The following LAMB2 variants were observed in gnomAD, a reference collection of about 807,000 sequenced individuals.
LAMB2 encodes laminin subunit beta 2.
A neutral mutation model predicts 202.7 loss-of-function variants in LAMB2; 119 were observed. That is an observed-to-expected ratio of 0.59 (90% CI 0.51 to 0.68). LAMB2 has a LOEUF of 0.68. Ranked by LOEUF, LAMB2 falls within the 30% of genes least tolerant of loss-of-function variation. The pLI is 0.00. For synonymous variants in LAMB2, 818 were observed against 902.2 expected, an observed-to-expected ratio of 0.91 and a Z score of 1.67; for missense variants, 2,124 against 2,410.6, an observed-to-expected ratio of 0.88 and a Z score of 2.49.
rs1367444910 is a variant in LAMB2 at position 49,130,001 on chromosome 3, T to TGG, written c.1241_1242dup (p.Met415ProfsTer83). On this transcript the variant is annotated frameshift_variant, in exon 10 of 32. Transcript: ENST00000305544. LOFTEE classifies it high-confidence loss of function. The surrounding 1 kb of genome is among the most constrained non-coding windows in gnomAD (Gnocchi z 5.0). ...CAGCGACCACCGTCTTGAGAACCCA[T>TGG]GGGGTCACAATCACAGGCTGACGGC... The TGG allele has an allele frequency of 1.9e-6, 3 of 1,613,976 alleles. No individual in the cohort carries two copies. The highest frequency in any genetic ancestry group is 1.6e-4 in the Middle Eastern group (1 of 6,062).
At chr3:49,124,355 T>C (rs1333624425) in intron 22 of LAMB2, 40 bp downstream of exon 22, 2 of 1,612,700 alleles carry the variant, frequency 1.2e-6, no homozygotes. Context: ...GACAGACACC[T>C]GGCCCCATCT....
intron 18 of LAMB2, 86 bp downstream of exon 18, chr3:49,125,661 A>G (rs1250943625): frequency 6.4e-7 from 1 of 1,556,200 alleles, no homozygotes; most frequent in East Asian, 2.3e-5. Context: ...AGTTTGAGGA[A>G]ACCAGCAGCA....
At position 49,129,551 on chromosome 3, in the gene LAMB2, T is replaced by C; in HGVS notation, c.1518+53A>G. ...TGGCATAGATGTGACACCCCAGCCC[T>C]GTGCTCTAAGGACAAATCATGCCCC... On this transcript the variant is annotated intron_variant, in intron 11 of 31. Coordinates refer to ENST00000305544, the MANE Select transcript of LAMB2 (RefSeq NM_002292.4). This position sits in a 1 kb window ranked among gnomAD's most constrained non-coding sequence, Gnocchi z 6.1. 6.9e-7 allele frequency: 1 copy of C among 1,444,690 alleles called. No individual in the cohort carries two copies. Among genetic ancestry groups the C allele is most frequent in the Non-Finnish European group, 9.7e-7 (1 of 1,027,700 alleles). 89.5% of individuals were successfully genotyped at this position (1,444,690 alleles called of 1,614,324 possible). A position where few individuals can be genotyped will look rare whatever the true frequency, so the allele number is the denominator to read the frequency against.
Position 49,130,206 on chromosome 3 carries a change from T to TC in LAMB2, c.1225+24dup, listed in dbSNP as rs2045465971. On this transcript the variant is annotated intron_variant, in intron 9 of 31. Coordinates refer to ENST00000305544, the MANE Select transcript of LAMB2 (RefSeq NM_002292.4). This position sits in a 1 kb window ranked among gnomAD's most constrained non-coding sequence, Gnocchi z 5.0. ...TTCCTGCCCCAGGCTCAGCTTTCTC[T>TC]CCCCGTGCCCAATCCCAGCCTCACA... The TC allele has an allele frequency of 6.2e-7, 1 of 1,612,914 alleles. No individual in the cohort carries two copies. The highest frequency in any genetic ancestry group is 1.3e-5 in the African/African-American group (1 of 74,864).
rs200477330 is a variant in LAMB2 at position 49,125,827 on chromosome 3, A to G, written c.2408T>C (p.Leu803Pro). The change falls in exon 18 of 32, where the codon CTG becomes CCG. Residue 803 changes from leucine to proline, a missense_variant. Around this residue, in one of 3 missense-constraint regions of LAMB2, gnomAD observed 1,702 missense variants for 1,896.3 expected, o/e 0.90. Transcript: ENST00000305544. ...GCGCCCAACCACTCCAGGCTTGCAC[A>G]GGCACTGACCACCATGAGGGTTGCA... ...SECNPHGGQC[L>P]CKPGVVGRRC... 2.2e-5 allele frequency: 36 copies of G among 1,614,160 alleles called. No homozygotes were observed. Among genetic ancestry groups the G allele is most frequent in the Non-Finnish European group, 2.9e-5 (34 of 1,180,024 alleles).
intron 27 of LAMB2, 24 bp downstream of exon 27, chr3:49,122,680 G>A (rs544614280): frequency 6.3e-7 from 1 of 1,589,344 alleles, no homozygotes; most frequent in African/African-American, 1.3e-5. Context: ...CAACCACATG[G>A]CCTGGGACAC....
Position 49,124,509 on chromosome 3 carries a change from G to A in LAMB2, c.3213C>T (p.Val1071=). 1 of 1,613,840 alleles carries A rather than the reference G, an allele frequency of 6.2e-7. No individual in the cohort carries two copies. The highest frequency in any genetic ancestry group is 8.5e-7 in the Non-Finnish European group (1 of 1,180,036). Residue 1071 remains valine (V), a synonymous_variant, in exon 22 of 32, where the codon GTC becomes GTT. Coordinates refer to ENST00000305544, the MANE Select transcript of LAMB2 (RefSeq NM_002292.4). ...SSGQCPCLPN[V]QGPSCDRCAP... Reference sequence around the variant, plus strand: ...CACAGCGGTCACAGCTAGGGCCCTGGACATTGGGGAGGCATGGGCACTGCC... The same window carrying A: ...CACAGCGGTCACAGCTAGGGCCCTGAACATTGGGGAGGCATGGGCACTGCC...
chr3:49,123,215 T>C lies in LAMB2; in HGVS notation c.4141A>G (p.Ser1381Gly), dbSNP rs773458352. Reference sequence around the variant, plus strand: ...GCCCGCTGGTTGGCCATGTGTTTGCTGTTGAAGTCCTCCTTCTGAGCATCC... The same window carrying C: ...GCCCGCTGGTTGGCCATGTGTTTGCCGTTGAAGTCCTCCTTCTGAGCATCC... The part of the protein sequence containing the change: ...LMDAQKEDFN[S>G]KHMANQRALG... Residue 1381 changes from serine (S) to glycine (G), a missense_variant, in exon 26 of 32, where the codon AGC (serine) becomes GGC (glycine). This residue lies in a region of LAMB2 where 1,702 missense variants were observed against 1,896.3 expected (regional missense o/e 0.90). Coordinates refer to ENST00000305544, the MANE Select transcript of LAMB2 (RefSeq NM_002292.4). 1.2e-6 allele frequency: 2 copies of C among 1,614,004 alleles called. No individual in the cohort carries two copies. Among genetic ancestry groups the C allele is most frequent in the Non-Finnish European group, 1.7e-6 (2 of 1,180,050 alleles).
chr3:49,127,972 A>G (rs1390454951), intron 15 of LAMB2, among the ~76,000 whole-genome samples: 1 of 146,822 alleles, frequency 6.8e-6, no homozygotes, highest in Admixed American at 6.9e-5. Context: ...GTGAGCCGAG[A>G]TCGCACCACT....
rs2045408392 is a variant in LAMB2 at position 49,125,889 on chromosome 3, T to C, written c.2346A>G (p.Pro782=). The change falls in exon 18 of 32, where the codon CCA becomes CCG. Residue 782 remains proline (P), a splice_region_variant and synonymous_variant. Coordinates refer to ENST00000305544, the MANE Select transcript of LAMB2 (RefSeq NM_002292.4). ...LSTLIYNGAL[P]CQCNPQGSLS... ...GTGAACCTTGAGGGTTGCACTGACATGCTGTGGGGAGGAGGGTTGGGCCAA... is the reference window on the plus strand; with the variant it reads ...GTGAACCTTGAGGGTTGCACTGACACGCTGTGGGGAGGAGGGTTGGGCCAA... 1 of 1,614,080 alleles carries C rather than the reference T, an allele frequency of 6.2e-7. No individual in the cohort carries two copies. The highest frequency in any genetic ancestry group is 8.5e-7 in the Non-Finnish European group (1 of 1,180,004).
At position 49,129,341 on chromosome 3, in the gene LAMB2, G is replaced by C; in HGVS notation, c.1519-17C>G. Reference sequence around the variant, plus strand: ...GTGGCCAGGCTGCACGAAAGGAGTTGCTGGGGGCCAGAAACAGACCTCCAG... The same window carrying C: ...GTGGCCAGGCTGCACGAAAGGAGTTCCTGGGGGCCAGAAACAGACCTCCAG... On this transcript the variant is annotated splice_polypyrimidine_tract_variant and intron_variant, in intron 11 of 31. Transcript: ENST00000305544. The surrounding 1 kb of genome is among the most constrained non-coding windows in gnomAD (Gnocchi z 6.1). 1 of 1,608,802 alleles carries C rather than the reference G, an allele frequency of 6.2e-7. No homozygotes were observed. Among genetic ancestry groups the C allele is most frequent in the Non-Finnish European group, 8.5e-7 (1 of 1,177,522 alleles).
Position 49,122,937 on chromosome 3 carries a change from G to A in LAMB2, c.4340C>T (p.Ala1447Val). Reference protein sequence around the residue: ...CGGLSCNGAAATADLALGRAR... With the variant: ...CGGLSCNGAAVTADLALGRAR... ...CCGGCCCAGTGCTAGGTCTGCTGTAGCCGCTGCCCCATTGCAGCTGAGGCC... is the reference window on the plus strand; with the variant it reads ...CCGGCCCAGTGCTAGGTCTGCTGTAACCGCTGCCCCATTGCAGCTGAGGCC... Residue 1447 changes from alanine (A) to valine (V), a missense_variant, in exon 27 of 32, where the codon GCT becomes GTT. Ala to Val is a moderately conservative substitution (Grantham distance 64, BLOSUM62 0). Transcript: ENST00000305544. 1.2e-6 allele frequency: 2 copies of A among 1,608,822 alleles called. No homozygotes were observed. Among genetic ancestry groups the A allele is most frequent in the Non-Finnish European group, 1.7e-6 (2 of 1,179,974 alleles).
intron 18 of LAMB2, 40 bp from the exon 19 acceptor site, chr3:49,125,524 G>T: frequency 6.6e-7 from 1 of 1,523,778 alleles, no homozygotes; most frequent in Non-Finnish European, 8.9e-7. Flanking sequence ...CAGGGGAGGG[G>T]GTCTGAGGGG....
chr3:49,129,915 A>G lies in LAMB2; in HGVS notation c.1329T>C (p.His443=), dbSNP rs1131787. 18 of 1,613,894 alleles carry G rather than the reference A, an allele frequency of 1.1e-5. No individual in the cohort carries two copies. In the South Asian group the frequency reaches 1.9e-4, roughly 17 times the overall value. The part of the protein sequence containing the change: ...LVSGQCRCKE[H]VVGTRCQQCR... ...ATTGCTGGCAGCGAGTGCCCACCACATGTTCTTTGCAGCGACACTGGCCGG... is the reference window on the plus strand; with the variant it reads ...ATTGCTGGCAGCGAGTGCCCACCACGTGTTCTTTGCAGCGACACTGGCCGG... The change falls in exon 10 of 32, where the codon CAT becomes CAC. Residue 443 remains histidine (H), a synonymous_variant. Transcript: ENST00000305544. The surrounding 1 kb of genome is among the most constrained non-coding windows in gnomAD (Gnocchi z 6.1).
chr3:49,130,941 G>A lies in LAMB2; in HGVS notation c.915+9C>T, dbSNP rs778731310. 5 of 1,614,126 alleles carry A rather than the reference G, an allele frequency of 3.1e-6. No individual in the cohort carries two copies. The highest frequency in any genetic ancestry group is 2.2e-5 in the South Asian group (2 of 91,090). ...CCTAGCCCTATCCCAACCGTCTGAAGCCCCTTACCATGCCCTCAGCATGGG... is the reference window on the plus strand; with the variant it reads ...CCTAGCCCTATCCCAACCGTCTGAAACCCCTTACCATGCCCTCAGCATGGG... On this transcript the variant is annotated intron_variant, in intron 7 of 31. Transcript: ENST00000305544. The surrounding 1 kb of genome is among the most constrained non-coding windows in gnomAD (Gnocchi z 5.0).
In LAMB2 at chr3:49,123,562, C is replaced by G. The variant is rs1457607439; in HGVS notation, c.3867G>C (p.Glu1289Asp). 11 of 1,614,192 alleles carry G rather than the reference C, an allele frequency of 6.8e-6. No individual in the cohort carries two copies. Among genetic ancestry groups the G allele is most frequent in the African/African-American group, 1.3e-5 (1 of 75,060 alleles). Reference protein sequence around the residue: ...LEADLTDVQDENFNANHALSG... With the variant: ...LEADLTDVQDDNFNANHALSG... ...TTAGTGCATGGTTGGCATTGAAGTT[C>G]TCATCTTGCACATCTGTCAGGTCTG... The change falls in exon 25 of 32, where the codon GAG (glutamate) becomes GAC (aspartate). Residue 1289 changes from glutamate (E) to aspartate (D), a missense_variant. By Grantham distance (45) the Glu-to-Asp change is conservative. Coordinates refer to ENST00000305544, the MANE Select transcript of LAMB2 (RefSeq NM_002292.4).
chr3:49,122,949 T>C lies in LAMB2; in HGVS notation c.4328A>G (p.Asn1443Ser), dbSNP rs1327659310. Reference protein sequence around the residue: ...GQPRCGGLSCNGAAATADLAL... With the variant: ...GQPRCGGLSCSGAAATADLAL... ...TAGGTCTGCTGTAGCCGCTGCCCCA[T>C]TGCAGCTGAGGCCCCCACAGCGCGG... Residue 1443 changes from asparagine to serine, a missense_variant, in exon 27 of 32, where the codon AAT becomes AGT. Asn to Ser is a conservative substitution (Grantham distance 46). Transcript: ENST00000305544. The C allele has an allele frequency of 6.2e-6, 10 of 1,608,862 alleles. No homozygotes were observed. The highest frequency in any genetic ancestry group is 1.7e-5 in the Admixed American group (1 of 59,986).
chr3:49,123,878 T>C lies in LAMB2; in HGVS notation c.3647A>G (p.Gln1216Arg). ...CAGCACACCCGTCTGTTGCAACTCC[T>C]GCGCCCGCTGCTCTAGGCGCTGTGT... ...ARTQRLEQRA[Q>R]ELQQTGVLGA... is the part of the protein sequence containing the mutation. The change falls in exon 24 of 32, where the codon CAG becomes CGG. Residue 1216 changes from glutamine to arginine, a missense_variant. By Grantham distance (43) the Gln-to-Arg change is conservative (BLOSUM62 1). Transcript: ENST00000305544. The C allele has an allele frequency of 1.2e-6, 2 of 1,613,450 alleles. No homozygotes were observed. The highest frequency in any genetic ancestry group is 2.2e-5 in the South Asian group (2 of 91,086).
Position 49,124,840 on chromosome 3 carries a change from C to G in LAMB2, c.2970G>C (p.Gly990=). Residue 990 remains glycine, a synonymous_variant, in exon 21 of 32, where the codon GGG becomes GGC. Coordinates refer to ENST00000305544, the MANE Select transcript of LAMB2 (RefSeq NM_002292.4). ...GGRCQLCECS[G]NIDPMDPDAC... ...CATCAGGATCCATTGGGTCAATGTT[C>G]CCACTGCACTCACACAGTTGGCACC... 11 of 1,614,116 alleles carry G rather than the reference C, an allele frequency of 6.8e-6. No individual in the cohort carries two copies. Among genetic ancestry groups the G allele is most frequent in the Non-Finnish European group, 9.3e-6 (11 of 1,180,020 alleles).
Sources: gnomAD v4.1 joint callset for allele counts (sites outside exome capture counted in the v4.1 genomes callset) on GRCh38, gnomAD v4.1.1 for gene constraint, gnomAD v4.1.1 regional missense constraint, Gnocchi (gnomAD v3.1) non-coding constraint, MANE v1.5 for transcripts, NCBI Gene and HGNC (gene_info 2026-07-23, HGNC 2026-07-21) for gene names.